VRK2: variants seen among roughly 807,000 people sequenced by gnomAD.
VRK2 encodes VRK serine/threonine kinase 2.
In VRK2, 60 loss-of-function variants were observed where a neutral mutation model predicts 57.6. The ratio of observed to expected loss-of-function variants is 1.04; its 90% CI spans 0.85 to 1.29. The LOEUF (loss-of-function observed/expected upper bound fraction) is 1.29. Among genes scored for constraint, VRK2 ranks in the 50% most tolerant of loss-of-function variants. The pLI, the probability that VRK2 is intolerant of heterozygous loss-of-function variation, is 0.00. For synonymous variants in VRK2, 231 were observed against 199.2 expected (o/e 1.16, Z -1.35); for missense variants, 705 against 588.1 (o/e 1.20, Z -2.06).
At chr2:58,057,936 G>A (rs1370092334) in intron 2 of VRK2, among the ~76,000 whole-genome samples, 2 of 151,984 alleles carry the variant, frequency 1.3e-5, no homozygotes, top group Non-Finnish European at 2.9e-5. Flanking sequence ...CACACAGAGA[G>A]GCAAAACAGT....
chr2:57,934,794 T>TG (rs1188866880), intron 1 of VRK2, among the ~76,000 whole-genome samples: 1 of 152,180 alleles, frequency 6.6e-6, no homozygotes, highest in East Asian at 1.9e-4. Flanking sequence ...TCTGTATTTA[T>TG]AATTTCAAAT....
At chr2:58,037,767 G>GA (rs1251435257) in intron 3 of VRK2, among the ~76,000 whole-genome samples, 1 of 152,018 alleles carries the variant, frequency 6.6e-6, no homozygotes, top group Non-Finnish European at 1.5e-5. Context: ...ACTGTTTTCA[G>GA]AAAATGATCA....
chr2:57,993,215 A>T (rs1672823735), intron 1 of VRK2, among the ~76,000 whole-genome samples: 1 of 152,228 alleles, frequency 6.6e-6, no homozygotes, highest in South Asian at 2.1e-4. Context: ...CCTAAGCCAG[A>T]ATTATAACAA....
At chr2:57,917,057 G>A (rs571907076) in intron 1 of VRK2, among the ~76,000 whole-genome samples, 2 of 152,088 alleles carry the variant, frequency 1.3e-5, no homozygotes, top group African/African-American at 4.8e-5. Flanking sequence ...GAATCATTAG[G>A]TTCTAATTAG....
chr2:58,062,633 A>G (rs1457504958), intron 2 of VRK2, among the ~76,000 whole-genome samples: 1 of 152,124 alleles, frequency 6.6e-6, no homozygotes, highest in Non-Finnish European at 1.5e-5. Context: ...ACCAGCCACA[A>G]CATTCCCTTA....
At chr2:58,123,409 G>A (rs1465676327) in intron 8 of VRK2, among the ~76,000 whole-genome samples, 176 bp downstream of exon 8, 1 of 152,152 alleles carries the variant, frequency 6.6e-6, no homozygotes, top group Non-Finnish European at 1.5e-5. Context: ...TTCTAACAGT[G>A]GAAAGAAATT....
intron 1 of VRK2, among the ~76,000 whole-genome samples, chr2:57,909,445 A>C (rs1363919663): frequency 6.6e-6 from 1 of 151,488 alleles, no homozygotes; most frequent in Non-Finnish European, 1.5e-5. Context: ...TCCAGGAGAA[A>C]TATTCAGCCT....
intron 1 of VRK2, among the ~76,000 whole-genome samples, chr2:57,997,900 G>A (rs201553743): frequency 1.7e-4 from 25 of 145,820 alleles, no homozygotes; most frequent in African/African-American, 2.0e-4. Context: ...CACTCAAAAA[G>A]AAAAAAAAAA....
At chr2:58,122,338 C>CA (rs1278092190) in intron 7 of VRK2, among the ~76,000 whole-genome samples, 1 of 152,122 alleles carries the variant, frequency 6.6e-6, no homozygotes, top group African/African-American at 2.4e-5. Context: ...TTTTTGACTC[C>CA]AAAAACGTTA....
At chr2:58,047,677 T>G (rs887233480) in intron 1 of VRK2, among the ~76,000 whole-genome samples, 4 of 152,228 alleles carry the variant, frequency 2.6e-5, no homozygotes, top group African/African-American at 7.2e-5. Flanking sequence ...ACAAAAACTT[T>G]TCCTGCTTTA....
intron 1 of VRK2, among the ~76,000 whole-genome samples, chr2:58,024,043 G>T (rs1397779316): frequency 2.7e-5 from 4 of 148,298 alleles, no homozygotes. Flanking sequence ...CAGTGACGCT[G>T]TCTCAGCTCA....
intron 1 of VRK2, among the ~76,000 whole-genome samples, chr2:57,959,110 A>C (rs1263906646): frequency 6.6e-6 from 1 of 152,262 alleles, no homozygotes. Context: ...TATGACTAAA[A>C]TTTATTGTAT....
intron 1 of VRK2, among the ~76,000 whole-genome samples, chr2:57,944,884 C>T (rs1332098311): frequency 6.6e-6 from 1 of 151,834 alleles, no homozygotes; most frequent in Non-Finnish European, 1.5e-5. Context: ...AGTAATAATC[C>T]CTACAGCGTA....
At chr2:58,108,278 T>C (rs753965230) in intron 7 of VRK2, among the ~76,000 whole-genome samples, 2 of 152,116 alleles carry the variant, frequency 1.3e-5, no homozygotes, top group Non-Finnish European at 2.9e-5. Flanking sequence ...CTTCTTTGTC[T>C]CCCTTCTGCT....
At chr2:58,077,315 C>T (rs750418728) in intron 2 of VRK2, among the ~76,000 whole-genome samples, 1 of 152,058 alleles carries the variant, frequency 6.6e-6, no homozygotes, top group Non-Finnish European at 1.5e-5. Flanking sequence ...TTCCTCCACA[C>T]AAGTCCTCGG....
chr2:58,061,005 T>C (rs568082373), intron 2 of VRK2, among the ~76,000 whole-genome samples: 3 of 151,924 alleles, frequency 2.0e-5, no homozygotes, highest in Non-Finnish European at 4.4e-5. Flanking sequence ...GAGTGTATGA[T>C]TGAAAATGAC....
At chr2:57,976,873 A>T (rs1672267337) in intron 1 of VRK2, among the ~76,000 whole-genome samples, 1 of 152,110 alleles carries the variant, frequency 6.6e-6, no homozygotes, top group Non-Finnish European at 1.5e-5. Flanking sequence ...TAAATTTTTA[A>T]TTCCTCTTGA....
chr2:58,022,895 G>A (rs1349927963), intron 1 of VRK2, among the ~76,000 whole-genome samples: 1 of 151,984 alleles, frequency 6.6e-6, no homozygotes, highest in Non-Finnish European at 1.5e-5. Flanking sequence ...AAAATATGAG[G>A]AAGTTTACGT....
intron 2 of VRK2, among the ~76,000 whole-genome samples, chr2:58,057,928 C>T (rs1300780240): frequency 6.6e-6 from 1 of 151,940 alleles, no homozygotes; most frequent in Non-Finnish European, 1.5e-5. Flanking sequence ...AAAGTTGACA[C>T]ACAGAGAGGC....
Sources: gnomAD v4.1 joint callset for allele counts (sites outside exome capture counted in the v4.1 genomes callset) on GRCh38, gnomAD v4.1.1 for gene constraint, MANE v1.5 for transcripts, NCBI Gene and HGNC (gene_info 2026-07-23, HGNC 2026-07-21) for gene names.